The following LRRK2 variants were observed in gnomAD, a reference collection of about 807,000 sequenced individuals.
LRRK2 encodes leucine-rich repeat serine/threonine-protein kinase 2.
A neutral mutation model predicts 302.6 loss-of-function variants in LRRK2; 203 were observed. The ratio of observed to expected loss-of-function variants is 0.67; its 90% CI spans 0.60 to 0.75. LRRK2 has a LOEUF of 0.75. Ranked by LOEUF, LRRK2 falls within the 30% of genes least tolerant of loss-of-function variation. The pLI is 0.00. For missense variants in LRRK2, 2,830 were observed against 2,951.0 expected, an observed-to-expected ratio of 0.96 and a Z score of 0.95; for synonymous variants, 1,066 against 1,031.9, an observed-to-expected ratio of 1.03 and a Z score of -0.63.
At chr12:40,292,120 T>A (rs1456360709) in intron 20 of LRRK2, among the ~76,000 whole-genome samples, 1 of 152,034 alleles carries the variant, frequency 6.6e-6, no homozygotes, top group Non-Finnish European at 1.5e-5. Context: ...TAAATGTTGA[T>A]CTCTATCTCC....
intron 20 of LRRK2, among the ~76,000 whole-genome samples, chr12:40,291,257 C>T (rs1420016931): frequency 6.7e-6 from 1 of 150,132 alleles, no homozygotes; most frequent in Non-Finnish European, 1.5e-5. Flanking sequence ...GGAAGGGGAA[C>T]ATCACACACC....
intron 13 of LRRK2, among the ~76,000 whole-genome samples, chr12:40,262,586 G>A (rs538656309): frequency 2.0e-5 from 3 of 152,122 alleles, no homozygotes; most frequent in Non-Finnish European, 2.9e-5. Flanking sequence ...AAAATTTACA[G>A]TCCACACGAC....
chr12:40,249,645 G>A (rs964531721), intron 7 of LRRK2, among the ~76,000 whole-genome samples, 181 bp from the exon 8 acceptor site: 3 of 152,056 alleles, frequency 2.0e-5, no homozygotes, highest in African/African-American at 2.4e-5. Flanking sequence ...TTAAAGGACA[G>A]CATAAAATAA....
rs1301752901 is a variant in LRRK2, at chr12:40,352,640, G to A, written c.6576+907G>A. 3.4e-5 allele frequency among the ~76,000 whole-genome samples: 5 copies of A among 149,228 alleles called. No individual in the cohort carries two copies. In the South Asian group the frequency reaches 1.1e-3, roughly 33 times the overall value. ...GTAGTGTTTGTGTCCCTGGGTACTT[G>A]AGATTAGGGAGTAGTGATGACTCTT... On this transcript the variant is annotated intron_variant, in intron 44 of 50. Coordinates refer to ENST00000298910, the MANE Select transcript of LRRK2 (RefSeq NM_198578.4).
At position 40,364,939 on chromosome 12, in the gene LRRK2, A is replaced by G. The variant is rs754451425; in HGVS notation, c.7279A>G (p.Ile2427Val). ...CCTTCAGAAGAACACTGCTCTTTGG[A>G]TAGGAACTGGAGGAGGCCATATTTT... ...LCLQKNTALW[I>V]GTGGGHILLL... is the part of the protein sequence containing the mutation. The change falls in exon 49 of 51, where the codon ATA (isoleucine) becomes GTA (valine). Residue 2427 changes from isoleucine to valine, a missense_variant. This residue lies in a region of LRRK2 where 456 missense variants were observed against 456.3 expected (regional missense o/e 1.00). Transcript: ENST00000298910. 6.2e-7 allele frequency: 1 copy of G among 1,612,646 alleles called. No homozygotes were observed. The highest frequency in any genetic ancestry group is 1.7e-5 in the Admixed American group (1 of 59,840).
At chr12:40,228,740 T>A (rs952481670) in intron 2 of LRRK2, among the ~76,000 whole-genome samples, 9 of 152,188 alleles carry the variant, frequency 5.9e-5, no homozygotes, top group African/African-American at 2.2e-4. Context: ...AGGTCTGAGA[T>A]GTAAGTCTTT....
chr12:40,263,539 C>G (rs1020293529), intron 13 of LRRK2, among the ~76,000 whole-genome samples: 37 of 152,110 alleles, frequency 2.4e-4, no homozygotes, highest in African/African-American at 8.7e-4. Flanking sequence ...TCTTCACCAT[C>G]GTAATTTTTT....
intron 18 of LRRK2, among the ~76,000 whole-genome samples, chr12:40,279,519 G>A (rs1236282346): frequency 6.6e-6 from 1 of 151,972 alleles, no homozygotes; most frequent in South Asian, 2.1e-4. Flanking sequence ...TTTTTACTGT[G>A]CATCTTTTGC....
In LRRK2 at chr12:40,320,083, T is replaced by C; in HGVS notation, c.4923T>C (p.Phe1641=). The C allele has an allele frequency of 6.2e-7, 1 of 1,611,578 alleles. No homozygotes were observed. The highest frequency in any genetic ancestry group is 8.5e-7 in the Non-Finnish European group (1 of 1,178,740). ...AATTTCTTTCAAAAAAAAGGAAATT[T>C]CCAAAGAACTACATGTCACAGTATT... ...VEKFLSKKRK[F]PKNYMSQYFK... Residue 1641 remains phenylalanine (F), a synonymous_variant, in exon 34 of 51, where the codon TTT becomes TTC. Transcript: ENST00000298910.
chr12:40,339,803 A>G (rs1945981782), intron 40 of LRRK2, among the ~76,000 whole-genome samples: 1 of 152,204 alleles, frequency 6.6e-6, no homozygotes, highest in South Asian at 2.1e-4. Flanking sequence ...AATAAATATC[A>G]ATGATAAATA....
chr12:40,356,060 A>G (rs1946526236), intron 45 of LRRK2, 55 bp from the exon 46 acceptor site: 1 of 1,230,152 alleles, frequency 8.1e-7, no homozygotes, highest in Non-Finnish European at 1.2e-6. Context: ...CATTAAGGCC[A>G]TTTTAGTCAA....
chr12:40,280,210 G>A lies in LRRK2; in HGVS notation c.2241+1949G>A, dbSNP rs1350249356. ...TCACATCTGTAATCCCAACACTTTG[G>A]GATGTTGAGGTGGGAGGATCACTTG... On this transcript the variant is annotated intron_variant, in intron 18 of 50. Coordinates refer to ENST00000298910, the MANE Select transcript of LRRK2 (RefSeq NM_198578.4). 2.0e-5 allele frequency among the ~76,000 whole-genome samples: 3 copies of A among 152,150 alleles called. No individual in the cohort carries two copies. The East Asian group carries it at 5.8e-4, about 29-fold the overall frequency.
chr12:40,298,571 C>A, intron 24 of LRRK2, 78 bp downstream of exon 24: 1 of 1,553,920 alleles, frequency 6.4e-7, no homozygotes, highest in Non-Finnish European at 8.8e-7. Context: ...ATTTTTATAG[C>A]AATGAGTTTT....
chr12:40,360,260 C>A (rs1271887207), intron 47 of LRRK2, among the ~76,000 whole-genome samples: 1 of 152,012 alleles, frequency 6.6e-6, no homozygotes, highest in Non-Finnish European at 1.5e-5. Flanking sequence ...ATGACCAGCA[C>A]CTGGTAAGCT....
intron 41 of LRRK2, among the ~76,000 whole-genome samples, chr12:40,346,436 T>C (rs1201702585): frequency 6.6e-6 from 1 of 152,200 alleles, no homozygotes; most frequent in Admixed American, 6.5e-5. Context: ...TTCTTAATTA[T>C]GAAATTCTAC....
At position 40,328,363 on chromosome 12, in the gene LRRK2, A is replaced by T; in HGVS notation, c.5660A>T (p.Asp1887Val). The change falls in exon 39 of 51, where the codon GAT becomes GTT. Residue 1887 changes from aspartate to valine, a missense_variant. Physicochemically the swap from Asp to Val is radical, Grantham distance 152 (BLOSUM62 -3). Around this residue, in one of 3 missense-constraint regions of LRRK2, gnomAD observed 253 missense variants for 346.7 expected, o/e 0.73. Transcript: ENST00000298910. ...CTTTGTATTTTCTTTTCAAAAGGTG[A>T]TGGCAGTTTTGGATCAGTTTACCGA... ...FEQAPEFLLG[D>V]GSFGSVYRAA... The T allele has an allele frequency of 6.2e-7, 1 of 1,613,450 alleles. No individual in the cohort carries two copies. Among genetic ancestry groups the T allele is most frequent in the South Asian group, 1.1e-5 (1 of 91,058 alleles).
chr12:40,358,971 T>C (rs1368456592), intron 46 of LRRK2, among the ~76,000 whole-genome samples: 1 of 152,126 alleles, frequency 6.6e-6, no homozygotes, highest in African/African-American at 2.4e-5. Flanking sequence ...TTTATTAATT[T>C]TTTGTAGCTA....
intron 6 of LRRK2, among the ~76,000 whole-genome samples, chr12:40,241,387 T>G (rs932231783): frequency 6.6e-6 from 1 of 151,938 alleles, no homozygotes; most frequent in Non-Finnish European, 1.5e-5. Context: ...CCAAAAATAT[T>G]AATCAGAAGA....
chr12:40,365,690 T>C (rs961463320), intron 49 of LRRK2: 44 of 151,896 alleles, frequency 2.9e-4, no homozygotes, highest in African/African-American at 8.2e-4. Context: ...AACGACACTA[T>C]GGGGTTTAAT....
Sources: allele counts gnomAD v4.1 joint callset (sites outside exome capture counted in the v4.1 genomes callset), GRCh38; gene constraint gnomAD v4.1.1; regional missense constraint gnomAD v4.1.1; transcripts MANE v1.5; gene names NCBI Gene and HGNC (gene_info 2026-07-23, HGNC 2026-07-21).